IGSF10: variants seen among roughly 807,000 people sequenced by gnomAD.
IGSF10 encodes immunoglobulin superfamily member 10.
Under a neutral mutation model 128.2 loss-of-function variants are expected in IGSF10, and 126 were observed. The ratio of observed to expected loss-of-function variants is 0.98; its 90% CI spans 0.85 to 1.14. IGSF10 has a LOEUF of 1.14. IGSF10 is among the 50% of genes most tolerant of loss of function. The pLI is 0.00. For missense variants in IGSF10, 3,295 were observed against 3,149.8 expected, an observed-to-expected ratio of 1.05 and a Z score of -1.10; for synonymous variants, 1,185 against 1,146.2, an observed-to-expected ratio of 1.03 and a Z score of -0.68.
At chr3:151,539,027 C>T in the IGSF10 span, among the ~76,000 whole-genome samples, 2 of 152,096 alleles carry the variant, frequency 1.3e-5, no homozygotes, top group Non-Finnish European at 2.9e-5. Flanking sequence ...TTTAAAAACA[C>T]TGGAAGAGGA....
chr3:151,513,401 G>C, the IGSF10 span, among the ~76,000 whole-genome samples: 1 of 152,130 alleles, frequency 6.6e-6, no homozygotes, highest in African/African-American at 2.4e-5. Context: ...TGCAGAAAAG[G>C]CCTGACAAAA....
At chr3:151,529,286 A>G in the IGSF10 span, among the ~76,000 whole-genome samples, 2 of 152,208 alleles carry the variant, frequency 1.3e-5, no homozygotes, top group Non-Finnish European at 2.9e-5. Context: ...CAGCTTCAGC[A>G]GATGTAAACG....
chr3:151,544,599 G>A, the IGSF10 span, among the ~76,000 whole-genome samples: 2 of 151,618 alleles, frequency 1.3e-5, no homozygotes, highest in African/African-American at 4.8e-5. Flanking sequence ...CCCTGTTTTA[G>A]TTTTGCTGCT....
the IGSF10 span, among the ~76,000 whole-genome samples, chr3:151,472,933 C>A: frequency 1.3e-5 from 2 of 152,096 alleles, no homozygotes; most frequent in Admixed American, 6.5e-5. Context: ...GGGCCTTGAA[C>A]CTTGGGTCCA....
the IGSF10 span, among the ~76,000 whole-genome samples, chr3:151,596,124 G>A: frequency 4.6e-5 from 7 of 152,060 alleles, no homozygotes; most frequent in Non-Finnish European, 1.0e-4. Flanking sequence ...GCCAAATGTG[G>A]TCATATGAAT....
chr3:151,437,709 T>C lies in IGSF10; in HGVS notation c.6852A>G (p.Pro2284=). 2 of 1,614,148 alleles carry C rather than the reference T, an allele frequency of 1.2e-6. No individual in the cohort carries two copies. Among genetic ancestry groups the C allele is most frequent in the East Asian group, 4.5e-5 (2 of 44,882 alleles). The part of the protein sequence containing the change: ...IMPDNIFLTA[P]YYGSRITVHK... Reference sequence around the variant, plus strand: ...GGACTGTGATTCTGCTTCCATAGTATGGGGCTGTGAGGAAAATATTGTCTG... The same window carrying C: ...GGACTGTGATTCTGCTTCCATAGTACGGGGCTGTGAGGAAAATATTGTCTG... The change falls in exon 8 of 8, where the codon CCA becomes CCG. Residue 2284 remains proline (P), a synonymous_variant. Coordinates refer to ENST00000282466, the MANE Select transcript of IGSF10 (RefSeq NM_178822.5).
At position 151,437,314 on chromosome 3, in the gene IGSF10, T is replaced by C. The variant is rs1323746893; in HGVS notation, c.7247A>G (p.Lys2416Arg). 6.2e-7 allele frequency: 1 copy of C among 1,614,078 alleles called. No individual in the cohort carries two copies. The highest frequency in any genetic ancestry group is 1.3e-5 in the African/African-American group (1 of 74,930). The stretch of plus-strand genomic sequence containing the variant: ...GACTAATTTCTCAATATAGCCAACT[T>C]TATTCCTAGCTGCACAGCGATATTT... ...AGKYRCAARN[K>R]VGYIEKLVIL... is the part of the protein sequence containing the mutation. The change falls in exon 8 of 8, where the codon AAA becomes AGA. Residue 2416 changes from lysine to arginine, a missense_variant. Transcript: ENST00000282466.
chr3:151,456,001 T>C (rs958552131), intron 4 of IGSF10, among the ~76,000 whole-genome samples: 1 of 152,208 alleles, frequency 6.6e-6, no homozygotes, highest in East Asian at 1.9e-4. Context: ...GTTGGCAACA[T>C]AGAAGAGCTT....
chr3:151,438,746 G>A, intron 7 of IGSF10, 149 bp from the exon 8 acceptor site: 1 of 606,242 alleles, frequency 1.6e-6, no homozygotes, highest in Admixed American at 3.0e-5. Flanking sequence ...GACATTTTGA[G>A]AGAGATATAT....
chr3:151,501,121 A>G, the IGSF10 span, among the ~76,000 whole-genome samples: 1 of 152,118 alleles, frequency 6.6e-6, no homozygotes, highest in Non-Finnish European at 1.5e-5. Context: ...TGTGGATAAT[A>G]AAAAACCAAA....
Position 151,448,526 on chromosome 3 carries a change from A to G in IGSF10, c.1455T>C (p.His485=), listed in dbSNP as rs1444158631. 5.6e-6 allele frequency: 9 copies of G among 1,614,114 alleles called. No homozygotes were observed. Among genetic ancestry groups the G allele is most frequent in the African/African-American group, 1.3e-5 (1 of 74,932 alleles). ...CAACGGTTCCACCTACCAAGACAGT[A>G]TGTTCCAGCTTAGTATTGTTATCCC... ...ISRDNNTKLE[H]TVLVGGTVGL... is the part of the protein sequence containing the mutation. The change falls in exon 6 of 8, where the codon CAT becomes CAC. Residue 485 remains histidine, a synonymous_variant. Coordinates refer to ENST00000282466, the MANE Select transcript of IGSF10 (RefSeq NM_178822.5).
the IGSF10 span, among the ~76,000 whole-genome samples, chr3:151,604,377 G>A: frequency 6.6e-6 from 1 of 151,830 alleles, no homozygotes; most frequent in Non-Finnish European, 1.5e-5. Context: ...TGGCAAATAC[G>A]TGATTCATTC....
chr3:151,617,346 C>T, the IGSF10 span, among the ~76,000 whole-genome samples: 6 of 147,222 alleles, frequency 4.1e-5, no homozygotes, highest in Non-Finnish European at 9.0e-5. Context: ...CCTCCTCCTC[C>T]TCCTCCTCCT....
the IGSF10 span, among the ~76,000 whole-genome samples, chr3:151,547,697 TA>T: frequency 6.6e-6 from 1 of 152,186 alleles, no homozygotes; most frequent in African/African-American, 2.4e-5. Flanking sequence ...TTTCTTGGTT[TA>T]AGTCTTCATC....
At chr3:151,525,297 T>G in the IGSF10 span, among the ~76,000 whole-genome samples, 9 of 152,260 alleles carry the variant, frequency 5.9e-5, no homozygotes, top group East Asian at 1.7e-3. Context: ...TATTACAGAA[T>G]ATGCATAACA....
the IGSF10 span, among the ~76,000 whole-genome samples, chr3:151,519,033 A>G: frequency 6.6e-6 from 1 of 151,934 alleles, no homozygotes; most frequent in Admixed American, 6.6e-5. Context: ...GAATACTTAA[A>G]AATGCCAAGA....
the IGSF10 span, among the ~76,000 whole-genome samples, chr3:151,496,262 T>C: frequency 1.3e-5 from 2 of 151,698 alleles, no homozygotes; most frequent in Non-Finnish European, 2.9e-5. Context: ...GTTTGTTACC[T>C]ATGTATACAT....
rs1720821097 is a variant in IGSF10 at position 151,441,003 on chromosome 3, T to C, written c.5963+1981A>G. On this transcript the variant is annotated intron_variant, in intron 7 of 7. Coordinates refer to ENST00000282466, the MANE Select transcript of IGSF10 (RefSeq NM_178822.5). ...CCCAGCTAACATAAATAATTAAGTT[T>C]GAACACAAGTGTCAAATTTTAGCAA... 1.3e-5 allele frequency among the ~76,000 whole-genome samples: 2 copies of C among 152,226 alleles called. 1 individual carries two copies. Among genetic ancestry groups the C allele is most frequent in the South Asian group, 4.1e-4 (2 of 4,832 alleles).
At chr3:151,575,670 T>A in the IGSF10 span, among the ~76,000 whole-genome samples, 1 of 152,176 alleles carries the variant, frequency 6.6e-6, no homozygotes, top group African/African-American at 2.4e-5. Context: ...CCCAGACCCC[T>A]TGTGCTTCCT....
Sources: gnomAD v4.1 joint callset for allele counts (sites outside exome capture counted in the v4.1 genomes callset) on GRCh38, gnomAD v4.1.1 for gene constraint, MANE v1.5 for transcripts, NCBI Gene and HGNC (gene_info 2026-07-23, HGNC 2026-07-21) for gene names.